The following NUP50 variants were observed in gnomAD, a reference collection of about 807,000 sequenced individuals.
The protein encoded by NUP50 is nuclear pore complex protein Nup50.
NUP50 carries 14 observed loss-of-function variants against 36.8 expected under a neutral mutation model. The ratio of observed to expected loss-of-function variants is 0.38; its 90% CI spans 0.25 to 0.59. The LOEUF is 0.59. NUP50 is among the 20% of genes least tolerant of loss of function. The probability of loss-of-function intolerance (pLI) is 0.63; values close to 1 mark genes in which losing one functional copy is unlikely to be tolerated. For synonymous variants in NUP50, 195 were observed against 210.8 expected, an observed-to-expected ratio of 0.93 and a Z score of 0.65; for missense variants, 455 against 564.6, an observed-to-expected ratio of 0.81 and a Z score of 1.97.
chr22:45,179,032 AC>A (rs1418854307), intron 5 of NUP50, 132 bp downstream of exon 5: 5 of 828,538 alleles, frequency 6.0e-6, no homozygotes, highest in Non-Finnish European at 9.2e-6. Context: ...GTGATCTCAG[AC>A]AGAGCTAATC....
intron 1 of NUP50, among the ~76,000 whole-genome samples, chr22:45,166,751 G>C (rs370014213): frequency 2.2e-4 from 25 of 113,792 alleles, no homozygotes; most frequent in African/African-American, 8.6e-4. Flanking sequence ...ATTTGTTTTT[G>C]TTTGTATGAC....
At chr22:45,169,982 T>C (rs1413582771) in intron 2 of NUP50, among the ~76,000 whole-genome samples, 1 of 152,238 alleles carries the variant, frequency 6.6e-6, no homozygotes, top group Non-Finnish European at 1.5e-5. Context: ...AAGTTCTTAG[T>C]AGATAGCAGT....
chr22:45,165,006 A>C (rs2074072882), intron 1 of NUP50: 1 of 152,134 alleles, frequency 6.6e-6, no homozygotes, highest in Non-Finnish European at 1.5e-5. Flanking sequence ...CCAACAAGGC[A>C]CTTCACTATT....
chr22:45,184,841 CCTT>C lies in NUP50; in HGVS notation c.*190_*192del, dbSNP rs1425518271. The C allele has an allele frequency of 6.5e-6, 4 of 613,206 alleles. No individual in the cohort carries two copies. The highest frequency in any genetic ancestry group is 4.4e-4 in the Middle Eastern group (1 of 2,280). The allele number at this position is 613,206 out of a possible 1,614,324, so 38.0% of individuals were successfully genotyped here. A position where few individuals can be genotyped will look rare whatever the true frequency, so the allele number is the denominator to read the frequency against. On this transcript the variant is annotated 3_prime_UTR_variant, in exon 8 of 8. Coordinates refer to ENST00000347635, the MANE Select transcript of NUP50 (RefSeq NM_007172.4). ...TTAAGTGTCAAGAAACTGCACTCTC[CCTT>C]CTTAAGAACTGCCTAAAGTGTAAAA... is the stretch of plus-strand genomic sequence containing the variant.
Position 45,181,421 on chromosome 22 carries a change from C to T in NUP50, c.1085+54C>T. The T allele has an allele frequency of 4.2e-6, 5 of 1,186,412 alleles. No individual in the cohort carries two copies. The South Asian group carries it at 5.9e-5, about 14-fold the overall frequency. 73.5% of individuals were successfully genotyped at this position (1,186,412 alleles called of 1,614,324 possible). On this transcript the variant is annotated intron_variant, in intron 6 of 7. Transcript: ENST00000347635. ...TGTGTTTTGCAGGCATGGTGGCATG[C>T]TTCAGGCTGGAGAATGTCCTCACGG...
intron 2 of NUP50, among the ~76,000 whole-genome samples, chr22:45,169,056 C>T (rs1037217464): frequency 6.6e-6 from 1 of 152,038 alleles, no homozygotes; most frequent in African/African-American, 2.4e-5. Context: ...TGTACACCAC[C>T]ACACCCAGCT....
Position 45,175,880 on chromosome 22 carries a change from C to T in NUP50, c.154-14C>T. ...GTACACTTACCTAATGTGTGCTCCT[C>T]CTTCATACTTCAGTCTGACACTGGA... On this transcript the variant is annotated splice_polypyrimidine_tract_variant and intron_variant, in intron 3 of 7. Transcript: ENST00000347635. 6.2e-7 allele frequency: 1 copy of T among 1,613,746 alleles called. No homozygotes were observed. The highest frequency in any genetic ancestry group is 8.5e-7 in the Non-Finnish European group (1 of 1,179,832).
chr22:45,174,363 C>G (rs132889), intron 3 of NUP50, among the ~76,000 whole-genome samples: 134,998 of 152,038 alleles, frequency 0.89, 59,991 homozygotes, highest in East Asian at 1. Flanking sequence ...TTTTTGTAGA[C>G]AGGGGGTCTC....
In NUP50 at chr22:45,178,362, C is replaced by T; in HGVS notation, c.465C>T (p.Ala155=). 2 of 1,613,992 alleles carry T rather than the reference C, an allele frequency of 1.2e-6. No homozygotes were observed. The highest frequency in any genetic ancestry group is 2.2e-5 in the South Asian group (2 of 91,076). ...CCAGTAAAGCTTGTGTCGGAAATGC[C>T]TATCACAAGCAGTTGGCCGCCTTGA... ...LASSKACVGN[A]YHKQLAALNC... The change falls in exon 5 of 8, where the codon GCC becomes GCT. Residue 155 remains alanine, a synonymous_variant. Coordinates refer to ENST00000347635, the MANE Select transcript of NUP50 (RefSeq NM_007172.4).
chr22:45,183,286 T>G, intron 6 of NUP50, 116 bp from the exon 7 acceptor site: 1 of 674,188 alleles, frequency 1.5e-6, no homozygotes, highest in Non-Finnish European at 2.7e-6. Context: ...ATCCTGAAGC[T>G]TCCTGTACTC....
rs1461808908 is a variant in NUP50, at chr22:45,187,660, G to T, written c.*3005G>T. ...CCTGATGAGTCCTCTCATTCTGGAA[G>T]TGGGAATTTGAGTAGATACTGATTT... On this transcript the variant is annotated 3_prime_UTR_variant, in exon 8 of 8. Coordinates refer to ENST00000347635, the MANE Select transcript of NUP50 (RefSeq NM_007172.4). 1 of 152,236 alleles carries T rather than the reference G, an allele frequency of 6.6e-6. No homozygotes were observed. Among genetic ancestry groups the T allele is most frequent in the African/African-American group, 2.4e-5 (1 of 41,454 alleles). 9.4% of individuals were successfully genotyped at this position (152,236 alleles called of 1,614,324 possible).
Position 45,176,055 on chromosome 22 carries a change from A to C in NUP50, c.315A>C (p.Ala105=), listed in dbSNP as rs1473616243. ...TSAPPFASAK[A]AADPKVAFGS... is the part of the protein sequence containing the mutation. ...CCCCTCCCTTCGCCAGTGCAAAGGC[A>C]GCGGCAGATCCCAAGGTAGCCTTTG... is the stretch of plus-strand genomic sequence containing the variant. Residue 105 remains alanine (A), a synonymous_variant, in exon 4 of 8, where the codon GCA becomes GCC. Transcript: ENST00000347635. 7 of 1,614,036 alleles carry C rather than the reference A, an allele frequency of 4.3e-6. No individual in the cohort carries two copies. In the African/African-American group the frequency reaches 8.0e-5, roughly 18 times the overall value.
chr22:45,179,504 C>T (rs74857224), intron 5 of NUP50, among the ~76,000 whole-genome samples: 1 of 152,326 alleles, frequency 6.6e-6, no homozygotes, highest in African/African-American at 2.4e-5. Flanking sequence ...CTGTTGTTAG[C>T]TTAAAAAGTG....
At chr22:45,169,866 G>A (rs1218664702) in intron 2 of NUP50, among the ~76,000 whole-genome samples, 1 of 152,186 alleles carries the variant, frequency 6.6e-6, no homozygotes, top group African/African-American at 2.4e-5. Context: ...GTCCAGGCTT[G>A]CCAGTAGTCA....
chr22:45,184,413 G>A, intron 7 of NUP50, 40 bp from the exon 8 acceptor site: 1 of 1,571,064 alleles, frequency 6.4e-7, no homozygotes, highest in Non-Finnish European at 8.8e-7. Flanking sequence ...TGGAGCTATA[G>A]CTTCTATAAT....
chr22:45,179,038 C>G, intron 5 of NUP50, 138 bp downstream of exon 5: 2 of 751,154 alleles, frequency 2.7e-6, no homozygotes, highest in South Asian at 4.5e-5. Flanking sequence ...TCAGACAGAG[C>G]TAATCAGCTT....
chr22:45,174,253 CT>C (rs1471425676), intron 3 of NUP50, among the ~76,000 whole-genome samples: 4 of 150,260 alleles, frequency 2.7e-5, no homozygotes, highest in African/African-American at 7.4e-5. Context: ...TCTTGACTCT[CT>C]GCAACCGCCG....
Position 45,186,152 on chromosome 22 carries a change from C to G in NUP50, c.*1497C>G, listed in dbSNP as rs773929369. On this transcript the variant is annotated 3_prime_UTR_variant, in exon 8 of 8. Coordinates refer to ENST00000347635, the MANE Select transcript of NUP50 (RefSeq NM_007172.4). ...TTGGCATGAGGTTCTTGCTCTACTT[C>G]CAGTGTTTTGATTCCACTGGGAGAA... 1.3e-5 allele frequency: 2 copies of G among 152,196 alleles called. No individual in the cohort carries two copies. The highest frequency in any genetic ancestry group is 2.9e-5 in the Non-Finnish European group (2 of 68,046). 9.4% of individuals were successfully genotyped at this position (152,196 alleles called of 1,614,324 possible). A position where few individuals can be genotyped will look rare whatever the true frequency, so the allele number is the denominator to read the frequency against.
chr22:45,178,018 C>T (rs370611526), intron 4 of NUP50: 22 of 513,216 alleles, frequency 4.3e-5, no homozygotes, highest in East Asian at 3.1e-4. Flanking sequence ...CCCACCTACT[C>T]GGGAGGTTGA....
Sources: allele counts gnomAD v4.1 joint callset (sites outside exome capture counted in the v4.1 genomes callset), GRCh38; gene constraint gnomAD v4.1.1; transcripts MANE v1.5; gene names NCBI Gene and HGNC (gene_info 2026-07-23, HGNC 2026-07-21).